The following SQLE variants were observed in gnomAD, a reference collection of about 807,000 sequenced individuals.
The protein encoded by SQLE is squalene epoxidase.
A neutral mutation model predicts 60.7 loss-of-function variants in SQLE; 29 were observed. The ratio of observed to expected loss-of-function variants is 0.48; its 90% CI spans 0.36 to 0.65. The LOEUF (loss-of-function observed/expected upper bound fraction) is 0.65. Ranked by LOEUF, SQLE falls within the 30% of genes least tolerant of loss-of-function variation. SQLE has a pLI of 0.00. For synonymous variants in SQLE, 237 were observed against 246.8 expected, an observed-to-expected ratio of 0.96 and a Z score of 0.37; for missense variants, 605 against 684.1, an observed-to-expected ratio of 0.88 and a Z score of 1.29.
intron 3 of SQLE, among the ~76,000 whole-genome samples, chr8:125,006,242 A>G (rs1814943008): frequency 6.6e-6 from 1 of 152,222 alleles, no homozygotes; most frequent in Non-Finnish European, 1.5e-5. Context: ...AGTATTGACA[A>G]AGCAAGTGAA....
chr8:125,011,498 T>G (rs1046221805), intron 6 of SQLE, 39 bp from the exon 7 acceptor site: 2 of 1,491,072 alleles, frequency 1.3e-6, no homozygotes, highest in Admixed American at 3.9e-5. Flanking sequence ...AATTGAAGTG[T>G]TATGACCCAT....
At chr8:125,013,635 G>T (rs780378972) in intron 7 of SQLE, among the ~76,000 whole-genome samples, 3 of 152,160 alleles carry the variant, frequency 2.0e-5, no homozygotes, top group Non-Finnish European at 4.4e-5. Context: ...TTACAGGCAT[G>T]AGCCACCATG....
At chr8:125,000,129 G>C (rs1185831335) in intron 1 of SQLE, 1 of 437,604 alleles carries the variant, frequency 2.3e-6, no homozygotes. Context: ...AGAACAGTTT[G>C]AAAAGCAGGC....
intron 2 of SQLE, 77 bp from the exon 3 acceptor site, chr8:125,005,448 G>T: frequency 7.7e-7 from 1 of 1,295,302 alleles, no homozygotes; most frequent in South Asian, 1.8e-5. Context: ...TTTGATGTGT[G>T]TGTGTCTTCT....
chr8:125,013,356 C>CTTTTTCT (rs71576761), intron 7 of SQLE, among the ~76,000 whole-genome samples: 17 of 136,430 alleles, frequency 1.2e-4, no homozygotes, highest in African/African-American at 2.3e-4. Context: ...TTTTCTTTTT[C>CTTTTTCT]TTTTTTTTTT....
chr8:125,005,891 T>C (rs572908759), intron 3 of SQLE, among the ~76,000 whole-genome samples, 186 bp downstream of exon 3: 1 of 152,348 alleles, frequency 6.6e-6, no homozygotes, highest in African/African-American at 2.4e-5. Flanking sequence ...GAATATCATA[T>C]AGAGAATTTT....
intron 10 of SQLE, 124 bp from the exon 11 acceptor site, chr8:125,021,629 A>G: frequency 4.3e-6 from 3 of 691,716 alleles, no homozygotes; most frequent in Non-Finnish European, 4.7e-6. Context: ...TTCATACAGA[A>G]TTATGATGCT....
At chr8:125,000,088 T>G in intron 1 of SQLE, 1 of 461,932 alleles carries the variant, frequency 2.2e-6, no homozygotes, top group South Asian at 1.6e-5. Flanking sequence ...CCACTGCTTG[T>G]AAGAAGTGAC....
intron 6 of SQLE, chr8:125,010,821 G>A (rs1815027972): frequency 6.6e-6 from 1 of 151,200 alleles, no homozygotes; most frequent in African/African-American, 2.4e-5. Flanking sequence ...GGAGTAGAGT[G>A]CCCTGAAATT....
intron 2 of SQLE, among the ~76,000 whole-genome samples, chr8:125,003,927 A>G (rs1488768027): frequency 1.3e-5 from 2 of 151,998 alleles, no homozygotes; most frequent in Non-Finnish European, 2.9e-5. Flanking sequence ...GGAGAGACAC[A>G]AAGAAGCAAG....
At chr8:125,000,337 A>G (rs776115752) in intron 1 of SQLE, among the ~76,000 whole-genome samples, 7 of 152,228 alleles carry the variant, frequency 4.6e-5, no homozygotes, top group Non-Finnish European at 8.8e-5. Context: ...AGGCCAGATC[A>G]TTTAGGGCAT....
At chr8:125,008,714 G>C (rs1210004041) in intron 4 of SQLE, among the ~76,000 whole-genome samples, 3 of 152,170 alleles carry the variant, frequency 2.0e-5, no homozygotes, top group Non-Finnish European at 2.9e-5. Flanking sequence ...TGTCAAAGTG[G>C]AGAGTAATCC....
chr8:125,008,843 T>A (rs1258116933), intron 4 of SQLE, 128 bp from the exon 5 acceptor site: 1 of 572,856 alleles, frequency 1.7e-6, no homozygotes, highest in Non-Finnish European at 2.8e-6. Flanking sequence ...AATAGTATTA[T>A]CTTCAACTAC....
At position 125,005,627 on chromosome 8, in the gene SQLE, A is replaced by G. The variant is rs749430663; in HGVS notation, c.647A>G (p.Asn216Ser). The change falls in exon 3 of 11, where the codon AAT (asparagine) becomes AGT (serine). Residue 216 changes from asparagine to serine, a missense_variant. Coordinates refer to ENST00000265896, the MANE Select transcript of SQLE (RefSeq NM_003129.4). ...ATTCCTTACCCTCTGTCAGAAAACAATCAAGTGCAGAGTGGAAGAGCTTTC... is the reference window on the plus strand; with the variant it reads ...ATTCCTTACCCTCTGTCAGAAAACAGTCAAGTGCAGAGTGGAAGAGCTTTC... The part of the protein sequence containing the change: ...VQIPYPLSEN[N>S]QVQSGRAFHH... 6.2e-7 allele frequency: 1 copy of G among 1,612,358 alleles called. No individual in the cohort carries two copies. The highest frequency in any genetic ancestry group is 8.5e-7 in the Non-Finnish European group (1 of 1,178,842).
Position 125,005,684 on chromosome 8 carries a change from A to G in SQLE, c.704A>G (p.Lys235Arg), listed in dbSNP as rs1814936289. The change falls in exon 3 of 11, where the codon AAA becomes AGA. Residue 235 changes from lysine to arginine, a missense_variant. Coordinates refer to ENST00000265896, the MANE Select transcript of SQLE (RefSeq NM_003129.4). ...HHGRFIMSLR[K>R]AAMAEPNAKF... is the part of the protein sequence containing the mutation. ...GGAAGATTCATCATGAGTCTCCGGA[A>G]AGCAGCTATGGCAGAGCCCAAGTAA... The G allele has an allele frequency of 1.2e-6, 2 of 1,601,160 alleles. No individual in the cohort carries two copies. The highest frequency in any genetic ancestry group is 1.7e-6 in the Non-Finnish European group (2 of 1,171,212).
Position 125,009,266 on chromosome 8 carries a change from T to TA in SQLE, c.1032dup (p.Leu345ThrfsTer3). The TA allele has an allele frequency of 6.2e-7, 1 of 1,613,836 alleles. No individual in the cohort carries two copies. The highest frequency in any genetic ancestry group is 8.5e-7 in the Non-Finnish European group (1 of 1,179,860). ...CAGATTTCATCCAGTGAAACTCGAGTACTTGTTGACATTAGAGGAGAAATG... is the reference window on the plus strand; with the variant it reads ...CAGATTTCATCCAGTGAAACTCGAGTAACTTGTTGACATTAGAGGAGAAATG... On this transcript the variant is annotated frameshift_variant, in exon 6 of 11. Coordinates refer to ENST00000265896, the MANE Select transcript of SQLE (RefSeq NM_003129.4). LOFTEE classifies it high-confidence loss of function.
At chr8:125,003,638 A>G (rs962445192) in intron 2 of SQLE, among the ~76,000 whole-genome samples, 2 of 152,190 alleles carry the variant, frequency 1.3e-5, no homozygotes, top group Admixed American at 6.5e-5. Flanking sequence ...ACTTAATGAG[A>G]TATAATAAAA....
chr8:125,019,887 A>G (rs1386164220), intron 9 of SQLE, among the ~76,000 whole-genome samples: 1 of 152,082 alleles, frequency 6.6e-6, no homozygotes, highest in Non-Finnish European at 1.5e-5. Flanking sequence ...AACCCCACCA[A>G]TCTCACTGGT....
At chr8:125,002,533 C>T (rs1365654948) in intron 1 of SQLE, among the ~76,000 whole-genome samples, 4 of 151,992 alleles carry the variant, frequency 2.6e-5, no homozygotes, top group Non-Finnish European at 4.4e-5. Context: ...CAAAATTAGC[C>T]GGGCATGGTT....
Sources: allele counts gnomAD v4.1 joint callset (sites outside exome capture counted in the v4.1 genomes callset), GRCh38; gene constraint gnomAD v4.1.1; transcripts MANE v1.5; gene names NCBI Gene and HGNC (gene_info 2026-07-23, HGNC 2026-07-21).